ZNF544: variants seen among roughly 807,000 people sequenced by gnomAD.
ZNF544 encodes zinc finger protein AF020591.
A neutral mutation model predicts 13.5 loss-of-function variants in ZNF544; 10 were observed. The ratio of observed to expected loss-of-function variants is 0.74; its 90% CI spans 0.46 to 1.25. ZNF544 has a LOEUF of 1.25. Among genes scored for constraint, ZNF544 ranks in the 50% most tolerant of loss-of-function variants. ZNF544 has a pLI of 0.00. For missense variants in ZNF544, 896 were observed against 845.6 expected (o/e 1.06, Z -0.74); for synonymous variants, 323 against 300.5 (o/e 1.07, Z -0.77).
In ZNF544 at chr19:58,262,969, G is replaced by A; in HGVS notation, c.*215G>A. On this transcript the variant is annotated 3_prime_UTR_variant, in exon 7 of 7. Transcript: ENST00000687789. ...ATCGCTCAACCCTTAGTAAACACGA[G>A]AGGACACACACTGGAGGCAAACCCT... The A allele has an allele frequency of 7.3e-7, 1 of 1,374,244 alleles. No individual in the cohort carries two copies. The highest frequency in any genetic ancestry group is 9.4e-7 in the Non-Finnish European group (1 of 1,065,618). The allele number at this position is 1,374,244 out of a possible 1,614,324, so 85.1% of individuals were successfully genotyped here.
At position 58,261,782 on chromosome 19, in the gene ZNF544, C is replaced by CTATG; in HGVS notation, c.1177_1180dup (p.Asp394ValfsTer2). 6.2e-7 allele frequency: 1 copy of CTATG among 1,613,090 alleles called. No homozygotes were observed. Among genetic ancestry groups the CTATG allele is most frequent in the Non-Finnish European group, 8.5e-7 (1 of 1,179,752 alleles). On this transcript the variant is annotated frameshift_variant, in exon 7 of 7. Coordinates refer to ENST00000687789, the MANE Select transcript of ZNF544 (RefSeq NM_014480.4). LOFTEE classifies it low-confidence loss of function (END_TRUNC). ...AGTGTGGGAAATCTTTTAGCCAGAG[C>CTATG]TATGACCTTGTCATACATCAGAGGA... is the stretch of plus-strand genomic sequence containing the variant.
In ZNF544 at chr19:58,262,243, A is replaced by T; in HGVS notation, c.1637A>T (p.Lys546Ile). ...CATCAGCGAATTCACACTGGAGAAA[A>T]ACCGTATCAGTGTATTGAATGTGGG... ...ITHQRIHTGEKPYQCIECGKS... is the reference protein window; with the variant it reads ...ITHQRIHTGEIPYQCIECGKS... Residue 546 changes from lysine (K) to isoleucine (I), a missense_variant, in exon 7 of 7, where the codon AAA (lysine) becomes ATA (isoleucine). Coordinates refer to ENST00000687789, the MANE Select transcript of ZNF544 (RefSeq NM_014480.4). The T allele has an allele frequency of 6.2e-7, 1 of 1,614,072 alleles. No homozygotes were observed. Among genetic ancestry groups the T allele is most frequent in the East Asian group, 2.2e-5 (1 of 44,882 alleles).
chr19:58,269,891 AGCCTGG>A (rs1368380314), intron 5 of ZNF544, among the ~76,000 whole-genome samples: 1 of 152,224 alleles, frequency 6.6e-6, no homozygotes, highest in Non-Finnish European at 1.5e-5. Flanking sequence ...ACTGGACTCC[AGCCTGG>A]GCGACAGAAT....
At chr19:58,245,064 C>T (rs567082602) in intron 4 of ZNF544, among the ~76,000 whole-genome samples, 26 of 152,138 alleles carry the variant, frequency 1.7e-4, no homozygotes, top group African/African-American at 5.3e-4. Flanking sequence ...TCTCCTGCCT[C>T]GGCCTCCCAA....
Position 58,262,716 on chromosome 19 carries a change from G to C in ZNF544, c.2110G>C (p.Val704Leu). The C allele has an allele frequency of 6.2e-7, 1 of 1,609,894 alleles. No homozygotes were observed. The highest frequency in any genetic ancestry group is 8.5e-7 in the Non-Finnish European group (1 of 1,177,020). Reference sequence around the variant, plus strand: ...ATCCTTCCGGCAGCAATCTCAACTTGTAGTGCATCGGCGGACACATACTGG... The same window carrying C: ...ATCCTTCCGGCAGCAATCTCAACTTCTAGTGCATCGGCGGACACATACTGG... ...GKSFRQQSQL[V>L]VHRRTHTGEK... The change falls in exon 7 of 7, where the codon GTA becomes CTA. Residue 704 changes from valine (V) to leucine (L), a missense_variant. By Grantham distance (32) the Val-to-Leu change is conservative. Transcript: ENST00000687789.
At chr19:58,275,406 C>T (rs1052249126) in intron 5 of ZNF544, among the ~76,000 whole-genome samples, 7 of 151,960 alleles carry the variant, frequency 4.6e-5, no homozygotes, top group Admixed American at 6.6e-5. Flanking sequence ...TTGAACCCAC[C>T]GATCCCTTGA....
chr19:58,261,770 T>C lies in ZNF544; in HGVS notation c.1164T>C (p.Ser388=). ...KPFECTQCGK[S]FSQSYDLVIH... ...TCGAATGTACTCAGTGTGGGAAATC[T>C]TTTAGCCAGAGCTATGACCTTGTCA... is the stretch of plus-strand genomic sequence containing the variant. Residue 388 remains serine, a synonymous_variant, in exon 7 of 7, where the codon TCT becomes TCC. Transcript: ENST00000687789. 1 of 1,613,860 alleles carries C rather than the reference T, an allele frequency of 6.2e-7. No individual in the cohort carries two copies.
intron 5 of ZNF544, among the ~76,000 whole-genome samples, chr19:58,269,770 A>T (rs1220072839): frequency 6.6e-6 from 1 of 151,860 alleles, no homozygotes; most frequent in African/African-American, 2.4e-5. Context: ...AAGATACAAA[A>T]ATTAGCCAAG....
At chr19:58,269,138 T>C (rs1007692547) in intron 5 of ZNF544, among the ~76,000 whole-genome samples, 1 of 152,138 alleles carries the variant, frequency 6.6e-6, no homozygotes, top group African/African-American at 2.4e-5. Context: ...ACACCACGAC[T>C]AAAAACAGAT....
chr19:58,234,277 C>G (rs1300876528), intron 3 of ZNF544, among the ~76,000 whole-genome samples: 1 of 152,224 alleles, frequency 6.6e-6, no homozygotes, highest in Non-Finnish European at 1.5e-5. Flanking sequence ...GGTGAGGTTT[C>G]CAATCTGCCT....
At chr19:58,239,517 G>A (rs1236089987) in intron 3 of ZNF544, among the ~76,000 whole-genome samples, 1 of 152,204 alleles carries the variant, frequency 6.6e-6, no homozygotes, top group Non-Finnish European at 1.5e-5. Flanking sequence ...GGGTCCTTGA[G>A]ACCATTCTCA....
intron 4 of ZNF544, among the ~76,000 whole-genome samples, chr19:58,245,404 G>A (rs575344712): frequency 1.1e-4 from 16 of 151,402 alleles, no homozygotes; most frequent in African/African-American, 2.7e-4. Context: ...AGGTTCAAGC[G>A]ATTCTCCTGC....
chr19:58,241,172 T>TATATTTTA (rs1568460807), intron 3 of ZNF544, among the ~76,000 whole-genome samples: 1 of 90,394 alleles, frequency 1.1e-5, no homozygotes, highest in African/African-American at 4.9e-5. Context: ...AATATATATA[T>TATATTTTA]ATATATATTT....
In ZNF544 at chr19:58,237,118, G is replaced by T. The variant is rs574176019; in HGVS notation, c.-60+6656G>T. Among the ~76,000 whole-genome samples, 9 of 148,024 alleles carry T rather than the reference G, an allele frequency of 6.1e-5. No individual in the cohort carries two copies. The South Asian group carries it at 1.9e-3, about 32-fold the overall frequency. On this transcript the variant is annotated intron_variant, in intron 3 of 6. Transcript: ENST00000687789. ...TTTACTCTGTCACCCAGGCTGGAGT[G>T]CAGCGGTGTGATCTTGGCTCACTGC...
intron 6 of ZNF544, among the ~76,000 whole-genome samples, chr19:58,248,264 T>G (rs2045708326): frequency 7.0e-6 from 1 of 142,126 alleles, no homozygotes; most frequent in Admixed American, 7.3e-5. Flanking sequence ...GGTTCATGCT[T>G]TTTTTTTTCT....
chr19:58,268,682 C>T (rs961261242), downstream of ZNF544, among the ~76,000 whole-genome samples: 2 of 152,204 alleles, frequency 1.3e-5, no homozygotes, highest in Admixed American at 6.5e-5. Flanking sequence ...CAGTTTAAAA[C>T]TTTTCTAAAT....
At position 58,262,357 on chromosome 19, in the gene ZNF544, C is replaced by T; in HGVS notation, c.1751C>T (p.Ser584Phe). ...TACGATTGCACTCACTGTGGAAAGTCCTTCAGCCAAAGCTATCAGTTAGTT... is the reference window on the plus strand; with the variant it reads ...TACGATTGCACTCACTGTGGAAAGTTCTTCAGCCAAAGCTATCAGTTAGTT... ...KPYDCTHCGKSFSQSYQLVAH... is the reference protein window; with the variant it reads ...KPYDCTHCGKFFSQSYQLVAH... Residue 584 changes from serine (S) to phenylalanine (F), a missense_variant, in exon 7 of 7, where the codon TCC (serine) becomes TTC (phenylalanine). Coordinates refer to ENST00000687789, the MANE Select transcript of ZNF544 (RefSeq NM_014480.4). The T allele has an allele frequency of 3.1e-6, 5 of 1,614,024 alleles. No individual in the cohort carries two copies. The highest frequency in any genetic ancestry group is 3.4e-6 in the Non-Finnish European group (4 of 1,179,930).
intron 6 of ZNF544, among the ~76,000 whole-genome samples, chr19:58,260,209 A>G (rs1203267750): frequency 6.6e-6 from 1 of 152,174 alleles, no homozygotes; most frequent in Non-Finnish European, 1.5e-5. Flanking sequence ...ACTTTTTGCA[A>G]TGGTTAATGG....
At chr19:58,233,700 G>T (rs533919669) in intron 3 of ZNF544, among the ~76,000 whole-genome samples, 1 of 152,292 alleles carries the variant, frequency 6.6e-6, no homozygotes, top group South Asian at 2.1e-4. Context: ...CCTTGGTCCT[G>T]AGTCCTGTTC....
Sources: allele counts gnomAD v4.1 joint callset (sites outside exome capture counted in the v4.1 genomes callset), GRCh38; gene constraint gnomAD v4.1.1; transcripts MANE v1.5; gene names NCBI Gene and HGNC (gene_info 2026-07-23, HGNC 2026-07-21).